Variants in ZC3H12B observed in about 807,000 individuals in gnomAD.
The protein encoded by ZC3H12B is zinc finger CCCH-type containing 12B.
A neutral mutation model predicts 43.9 loss-of-function variants in ZC3H12B; 7 were observed. That is an observed-to-expected ratio of 0.16 (90% CI 0.09 to 0.30). ZC3H12B has a LOEUF of 0.30. ZC3H12B is among the 10% of genes least tolerant of loss of function. The probability of loss-of-function intolerance (pLI) is 1.00; values close to 1 mark genes in which losing one functional copy is unlikely to be tolerated. For missense variants in ZC3H12B, 475 were observed against 670.2 expected (o/e 0.71, Z 3.22); for synonymous variants, 222 against 241.7 (o/e 0.92, Z 0.76).
chrX:65,127,762 T>C, the ZC3H12B span, among the ~76,000 whole-genome samples: 1 of 110,850 alleles, frequency 9.0e-6, no homozygotes, highest in African/African-American at 3.3e-5. Context: ...AGGGAGATTA[T>C]GGCTGCCTCT....
chrX:65,334,141 G>T, the ZC3H12B span, among the ~76,000 whole-genome samples: 1 of 112,057 alleles, frequency 8.9e-6, no homozygotes. Context: ...TATGACTGTA[G>T]TTAAGATTCT....
the ZC3H12B span, among the ~76,000 whole-genome samples, chrX:65,140,170 G>A: frequency 9.0e-6 from 1 of 111,249 alleles, no homozygotes. Flanking sequence ...TCTTGTTTTT[G>A]ATCTTAGAAG....
chrX:65,466,247 A>G (rs773959026), intron 3 of ZC3H12B, among the ~76,000 whole-genome samples: 91 of 110,851 alleles, frequency 8.2e-4, no homozygotes, highest in Non-Finnish European at 9.3e-4. Flanking sequence ...AAGTGAGATC[A>G]TGGGGTATAT....
At chrX:65,479,299 C>T (rs977980990) in intron 3 of ZC3H12B, among the ~76,000 whole-genome samples, 6 of 111,007 alleles carry the variant, frequency 5.4e-5, no homozygotes, top group African/African-American at 1.6e-4. Context: ...CACAAATTTT[C>T]CTGTTCTTAC....
At chrX:65,381,603 C>G (rs997664463) in intron 2 of ZC3H12B, among the ~76,000 whole-genome samples, 1 of 111,418 alleles carries the variant, frequency 9.0e-6, no homozygotes, top group Admixed American at 9.5e-5. Context: ...TAACTAAAAT[C>G]AGAGCAGAAC....
chrX:65,280,647 T>A, the ZC3H12B span, among the ~76,000 whole-genome samples: 40 of 112,029 alleles, frequency 3.6e-4, no homozygotes, highest in Non-Finnish European at 6.8e-4. Context: ...AAAGACTGAC[T>A]ACCAGAAAAT....
At chrX:65,250,941 A>C in the ZC3H12B span, among the ~76,000 whole-genome samples, 1 of 111,510 alleles carries the variant, frequency 9.0e-6, no homozygotes, top group East Asian at 2.8e-4. Flanking sequence ...CTTTAGTTTA[A>C]TTAGATCCCA....
the ZC3H12B span, among the ~76,000 whole-genome samples, chrX:65,297,013 C>T: frequency 9.0e-6 from 1 of 111,351 alleles, no homozygotes; most frequent in African/African-American, 3.3e-5. Context: ...GTAATAAAAG[C>T]CATCTATGAC....
chrX:65,109,226 A>C, the ZC3H12B span, among the ~76,000 whole-genome samples: 1 of 111,603 alleles, frequency 9.0e-6, no homozygotes, highest in Admixed American at 9.6e-5. Context: ...CATACAATGC[A>C]CCTGCTTAAA....
chrX:65,041,875 C>G, the ZC3H12B span, among the ~76,000 whole-genome samples: 1 of 111,717 alleles, frequency 9.0e-6, no homozygotes, highest in African/African-American at 3.3e-5. Context: ...TTCTGATGTT[C>G]TGAGATGAAA....
the ZC3H12B span, among the ~76,000 whole-genome samples, chrX:65,159,116 T>C: frequency 8.9e-6 from 1 of 112,005 alleles, no homozygotes; most frequent in Non-Finnish European, 1.9e-5. Flanking sequence ...GTCTCTGTTC[T>C]GTTCCATTGG....
the ZC3H12B span, among the ~76,000 whole-genome samples, chrX:65,313,062 G>T: frequency 9.1e-6 from 1 of 110,216 alleles, no homozygotes; most frequent in Admixed American, 9.7e-5. Flanking sequence ...TTGTATTTTT[G>T]GTAGAGGTGG....
chrX:65,167,430 G>C, the ZC3H12B span, among the ~76,000 whole-genome samples: 1 of 111,823 alleles, frequency 8.9e-6, no homozygotes, highest in African/African-American at 3.2e-5. Flanking sequence ...GTACCATGCT[G>C]TTTTGGTTAC....
chrX:65,402,816 G>A (rs2066779293), intron 3 of ZC3H12B, among the ~76,000 whole-genome samples: 1 of 112,430 alleles, frequency 8.9e-6, no homozygotes. Flanking sequence ...AAACACCCAA[G>A]TCCTTTTTAA....
intron 3 of ZC3H12B, chrX:65,469,621 T>G (rs1239818753): frequency 4.7e-6 from 1 of 211,024 alleles, no homozygotes; most frequent in Non-Finnish European, 8.9e-6. Flanking sequence ...GCCACTGACC[T>G]GGATTGACTC....
the ZC3H12B span, among the ~76,000 whole-genome samples, chrX:65,245,804 T>G: frequency 9.0e-6 from 1 of 110,989 alleles, no homozygotes; most frequent in Non-Finnish European, 1.9e-5. Context: ...ATGCCTTCTC[T>G]CACCACTCCT....
chrX:65,309,965 A>G, the ZC3H12B span, among the ~76,000 whole-genome samples: 2 of 111,535 alleles, frequency 1.8e-5, no homozygotes, highest in Admixed American at 1.9e-4. Flanking sequence ...CATGCTAAAA[A>G]CTCTCAATAA....
At chrX:65,209,719 G>A in the ZC3H12B span, among the ~76,000 whole-genome samples, 2 of 108,750 alleles carry the variant, frequency 1.8e-5, no homozygotes, top group African/African-American at 6.8e-5. Context: ...CCAAAACAGA[G>A]ATATAGATCA....
the ZC3H12B span, among the ~76,000 whole-genome samples, chrX:65,073,096 C>T: frequency 8.9e-6 from 1 of 112,128 alleles, no homozygotes; most frequent in Non-Finnish European, 1.9e-5. Context: ...AGGCTCTGTG[C>T]CTGCAAAGAT....
Sources: gnomAD v4.1 joint callset for allele counts (sites outside exome capture counted in the v4.1 genomes callset) on GRCh38, gnomAD v4.1.1 for gene constraint, MANE v1.5 for transcripts, NCBI Gene and HGNC (gene_info 2026-07-23, HGNC 2026-07-21) for gene names.